CLVS1: variants seen among roughly 807,000 people sequenced by gnomAD.
CLVS1 encodes the protein clavesin 1, also known as clavesin-1.
A neutral mutation model predicts 33.1 loss-of-function variants in CLVS1; 10 were observed. That is an observed-to-expected ratio of 0.30 (90% CI 0.19 to 0.51). The LOEUF is 0.51. CLVS1 is among the 20% of genes least tolerant of loss of function. The probability of loss-of-function intolerance (pLI) is 0.97; values close to 1 mark genes in which losing one functional copy is unlikely to be tolerated. For synonymous variants in CLVS1, 163 were observed against 166.1 expected, an observed-to-expected ratio of 0.98 and a Z score of 0.14; for missense variants, 343 against 433.4, an observed-to-expected ratio of 0.79 and a Z score of 1.85.
At chr8:61,386,208 A>G (rs563344065) in intron 3 of CLVS1, among the ~76,000 whole-genome samples, 1 of 152,214 alleles carries the variant, frequency 6.6e-6, no homozygotes, top group South Asian at 2.1e-4. Flanking sequence ...TAGAATCCTA[A>G]CTTTGGAGTG....
intron 2 of CLVS1, among the ~76,000 whole-genome samples, chr8:61,208,177 C>T (rs186504245): frequency 6.7e-4 from 102 of 152,334 alleles, no homozygotes; most frequent in South Asian, 5.0e-3. Flanking sequence ...TAATTTTTCT[C>T]TGTGATCCAT....
chr8:61,218,727 G>C (rs902379129), intron 2 of CLVS1, among the ~76,000 whole-genome samples: 6 of 149,410 alleles, frequency 4.0e-5, no homozygotes, highest in Non-Finnish European at 7.4e-5. Flanking sequence ...TTGAGGTCAG[G>C]AGTTCGAGAC....
chr8:61,462,092 A>G (rs1284907636), intron 5 of CLVS1, among the ~76,000 whole-genome samples: 1 of 152,204 alleles, frequency 6.6e-6, no homozygotes, highest in East Asian at 1.9e-4. Flanking sequence ...AGTTGGGAAG[A>G]TGAGAGCCAG....
the CLVS1 span, among the ~76,000 whole-genome samples, chr8:61,046,304 T>C: frequency 5.4e-5 from 8 of 147,274 alleles, no homozygotes; most frequent in Admixed American, 6.7e-5. Context: ...GTTGTAGATA[T>C]GCGGCATTAT....
the CLVS1 span, among the ~76,000 whole-genome samples, chr8:60,998,205 G>A: frequency 2.6e-5 from 4 of 152,256 alleles, no homozygotes; most frequent in African/African-American, 4.8e-5. Context: ...AGTTGGCAGC[G>A]ATTTGAGAGC....
intron 3 of CLVS1, among the ~76,000 whole-genome samples, chr8:61,393,070 A>G (rs1384297056): frequency 6.6e-6 from 1 of 151,450 alleles, no homozygotes; most frequent in Non-Finnish European, 1.5e-5. Context: ...TTTAGTGGAG[A>G]CGGGTTTCTC....
chr8:61,154,577 A>G (rs994008924), intron 2 of CLVS1, among the ~76,000 whole-genome samples: 2 of 152,258 alleles, frequency 1.3e-5, no homozygotes, highest in East Asian at 3.8e-4. Flanking sequence ...TTGAGAATGC[A>G]TCTTAGTTAG....
chr8:61,399,983 T>A (rs1814685424), intron 3 of CLVS1, among the ~76,000 whole-genome samples: 1 of 152,214 alleles, frequency 6.6e-6, no homozygotes, highest in African/African-American at 2.4e-5. Context: ...CCTCCAGCTT[T>A]GCTCTTTTTG....
chr8:61,274,665 T>C (rs925487163), intron 2 of CLVS1, among the ~76,000 whole-genome samples: 3 of 152,188 alleles, frequency 2.0e-5, no homozygotes, highest in Non-Finnish European at 4.4e-5. Flanking sequence ...TCATCTTCAT[T>C]TTGAAGATAC....
At chr8:61,218,548 C>T (rs529510082) in intron 2 of CLVS1, among the ~76,000 whole-genome samples, 5 of 150,956 alleles carry the variant, frequency 3.3e-5, no homozygotes, top group African/African-American at 1.2e-4. Flanking sequence ...TTAAAGGATA[C>T]AAAATTACCC....
Position 61,499,741 on chromosome 8 carries a change from T to C in CLVS1, c.*199T>C, listed in dbSNP as rs76780164. Reference sequence around the variant, plus strand: ...GACAAAGACTTGAGAGATGCTTTTTTTTTCCCCCAGTGAGGGGACTGGAGG... The same window carrying C: ...GACAAAGACTTGAGAGATGCTTTTTCTTTCCCCCAGTGAGGGGACTGGAGG... On this transcript the variant is annotated 3_prime_UTR_variant, in exon 6 of 6. Coordinates refer to ENST00000325897, the MANE Select transcript of CLVS1 (RefSeq NM_173519.3). 38,389 of 403,642 alleles carry C rather than the reference T, an allele frequency of 0.095. 2,136 individuals are homozygous for C. Among genetic ancestry groups the C allele is most frequent in the Non-Finnish European group, 0.11 (25,492 of 222,690 alleles). 25.0% of individuals were successfully genotyped at this position (403,642 alleles called of 1,614,324 possible).
intron 1 of CLVS1, among the ~76,000 whole-genome samples, chr8:61,068,227 GTGTATATATATATA>G (rs1266638908): frequency 1.1e-5 from 1 of 88,300 alleles, no homozygotes; most frequent in African/African-American, 4.0e-5. Flanking sequence ...ATGTATGTAT[GTGTATATATATATA>G]TATATATGTA....
chr8:61,256,971 T>C (rs993131574), intron 2 of CLVS1, among the ~76,000 whole-genome samples: 1 of 152,232 alleles, frequency 6.6e-6, no homozygotes, highest in Admixed American at 6.5e-5. Context: ...CTGTAAGGTA[T>C]TATACTGTAT....
At chr8:61,202,669 G>A (rs1807759277) in intron 2 of CLVS1, 2 of 1,538,576 alleles carry the variant, frequency 1.3e-6, no homozygotes, top group Admixed American at 1.7e-5. Flanking sequence ...GTGTGGTTCA[G>A]GGCCAGTGCA....
At chr8:61,325,199 C>G (rs1426829174) in intron 2 of CLVS1, among the ~76,000 whole-genome samples, 1 of 150,778 alleles carries the variant, frequency 6.6e-6, no homozygotes, top group African/African-American at 2.5e-5. Context: ...CCTATGTACA[C>G]ACACATACAC....
intron 1 of CLVS1, among the ~76,000 whole-genome samples, chr8:61,067,934 C>T (rs1036565788): frequency 3.3e-5 from 5 of 151,818 alleles, no homozygotes; most frequent in Admixed American, 2.0e-4. Flanking sequence ...CACACATATA[C>T]CCAGGGAACA....
At chr8:61,319,119 G>T (rs1251710625) in intron 2 of CLVS1, among the ~76,000 whole-genome samples, 1 of 151,668 alleles carries the variant, frequency 6.6e-6, no homozygotes, top group African/African-American at 2.4e-5. Flanking sequence ...TACCTCTTTT[G>T]GTTGTTGACT....
At chr8:60,984,244 A>C in the CLVS1 span, among the ~76,000 whole-genome samples, 1 of 150,212 alleles carries the variant, frequency 6.7e-6, no homozygotes, top group Non-Finnish European at 1.5e-5. Flanking sequence ...TTAAGACCCT[A>C]TTGTCTTTAA....
intron 5 of CLVS1, among the ~76,000 whole-genome samples, chr8:61,478,719 G>C (rs1818060408): frequency 6.6e-6 from 1 of 152,138 alleles, no homozygotes; most frequent in South Asian, 2.1e-4. Flanking sequence ...GTCTCTGCAT[G>C]TGAGATGGGT....
Sources: allele counts gnomAD v4.1 joint callset (sites outside exome capture counted in the v4.1 genomes callset), GRCh38; gene constraint gnomAD v4.1.1; transcripts MANE v1.5; gene names NCBI Gene and HGNC (gene_info 2026-07-23, HGNC 2026-07-21).